CCDC166: variants seen among roughly 807,000 people sequenced by gnomAD.
CCDC166 encodes the protein coiled-coil domain-containing protein 166.
Under a neutral mutation model 14.4 loss-of-function variants are expected in CCDC166, and 17 were observed. The ratio of observed to expected loss-of-function variants is 1.18; its 90% CI spans 0.81 to 1.77. The LOEUF is 1.77. Ranked by LOEUF, CCDC166 falls within the 40% of genes most tolerant of loss-of-function variation. The pLI, the probability that CCDC166 is intolerant of heterozygous loss-of-function variation, is 0.00. For missense variants in CCDC166, 738 were observed against 665.8 expected (o/e 1.11, Z -1.19); for synonymous variants, 336 against 330.1 (o/e 1.02, Z -0.20).
chr8:143,706,970 C>A lies in CCDC166; in HGVS notation c.1044G>T (p.Ser348=), dbSNP rs781990610. 1 of 1,543,260 alleles carries A rather than the reference C, an allele frequency of 6.5e-7. No homozygotes were observed. Among genetic ancestry groups the A allele is most frequent in the Non-Finnish European group, 8.7e-7 (1 of 1,146,868 alleles). The change falls in exon 2 of 2, where the codon TCG becomes TCT. Residue 348 remains serine, a synonymous_variant. Transcript: ENST00000542437. ...GGGATCCCACCTTTGAAGTGGCCAG[C>A]GATGGGACCCTGGAGTCCATGCTCG... The part of the protein sequence containing the change: ...VLSSMDSRVP[S]LATSKVGSRM...
chr8:143,706,936 A>T lies in CCDC166; in HGVS notation c.1078T>A (p.Ser360Thr). The T allele has an allele frequency of 1.3e-6, 2 of 1,548,308 alleles. No individual in the cohort carries two copies. Among genetic ancestry groups the T allele is most frequent in the Middle Eastern group, 1.7e-4 (1 of 5,990 alleles). The change falls in exon 2 of 2, where the codon TCC becomes ACC. Residue 360 changes from serine to threonine, a missense_variant. By Grantham distance (58) the Ser-to-Thr change is moderately conservative. Transcript: ENST00000542437. ...GAGCCTGCGCGCGAAGCGGTCAGGG[A>T]TGGCATCCGGGATCCCACCTTTGAA... ...ATSKVGSRMP[S>T]LTASRAGSRA...
rs1554616758 is a variant in CCDC166 at position 143,707,241 on chromosome 8, T to C, written c.773A>G (p.Glu258Gly). 7.0e-7 allele frequency: 1 copy of C among 1,438,388 alleles called. No homozygotes were observed. Among genetic ancestry groups the C allele is most frequent in the Non-Finnish European group, 9.1e-7 (1 of 1,100,224 alleles). 89.1% of individuals were successfully genotyped at this position (1,438,388 alleles called of 1,614,324 possible). The change falls in exon 2 of 2, where the codon GAG (glutamate) becomes GGG (glycine). Residue 258 changes from glutamate (E) to glycine (G), a missense_variant. Physicochemically the swap from Glu to Gly is moderately conservative, Grantham distance 98. Coordinates refer to ENST00000542437, the MANE Select transcript of CCDC166 (RefSeq NM_001162914.1). The surrounding 1 kb of genome is among the most constrained non-coding windows in gnomAD (Gnocchi z 8.0). ...CGCCAGGTCCCGCGTGTCCTCGTGC[T>C]CGCGGTGCAGTTGCTCGCGCTGTTC... ...LLEQREQLHR[E>G]HEDTRDLARV... is the part of the protein sequence containing the mutation.
At position 143,707,998 on chromosome 8, in the gene CCDC166, G is replaced by C; in HGVS notation, c.112C>G (p.His38Asp). 2.6e-6 allele frequency: 4 copies of C among 1,527,880 alleles called. No homozygotes were observed. Among genetic ancestry groups the C allele is most frequent in the Non-Finnish European group, 3.5e-6 (4 of 1,140,520 alleles). 94.6% of individuals were successfully genotyped at this position (1,527,880 alleles called of 1,614,324 possible). ...SERAQYLQREHALLSEQLDTC... is the reference protein window; with the variant it reads ...SERAQYLQREDALLSEQLDTC... ...TCCAGCTGCTCCGAGAGCAGCGCGTGTTCGCGTTGCAGGTACTGCGCGCGC... is the reference window on the plus strand; with the variant it reads ...TCCAGCTGCTCCGAGAGCAGCGCGTCTTCGCGTTGCAGGTACTGCGCGCGC... Residue 38 changes from histidine to aspartate, a missense_variant, in exon 1 of 2, where the codon CAC becomes GAC. Transcript: ENST00000542437. The surrounding 1 kb of genome is among the most constrained non-coding windows in gnomAD (Gnocchi z 8.0).
chr8:143,707,479 C>T lies in CCDC166; in HGVS notation c.535G>A (p.Val179Met), dbSNP rs1196229439. 6.8e-7 allele frequency: 1 copy of T among 1,471,492 alleles called. No individual in the cohort carries two copies. Among genetic ancestry groups the T allele is most frequent in the East Asian group, 2.9e-5 (1 of 33,912 alleles). 91.2% of individuals were successfully genotyped at this position (1,471,492 alleles called of 1,614,324 possible). ...TTGTCCTCCAGGAAGCGCCGCTTCA[C>T]GCGGTGGAGCAGCTGCGTGTGCTCC... ...RVEHTQLLHRVKRRFLEDKAA... is the reference protein window; with the variant it reads ...RVEHTQLLHRMKRRFLEDKAA... The change falls in exon 2 of 2, where the codon GTG (valine) becomes ATG (methionine). Residue 179 changes from valine to methionine, a missense_variant. Val to Met is a conservative substitution (Grantham distance 21). Coordinates refer to ENST00000542437, the MANE Select transcript of CCDC166 (RefSeq NM_001162914.1). This position sits in a 1 kb window ranked among gnomAD's most constrained non-coding sequence, Gnocchi z 8.0.
rs782611835 is a variant in CCDC166 at position 143,706,804 on chromosome 8, T to G, written c.1210A>C (p.Lys404Gln). 6.4e-7 allele frequency: 1 copy of G among 1,551,014 alleles called. No homozygotes were observed. Among genetic ancestry groups the G allele is most frequent in the Non-Finnish European group, 8.7e-7 (1 of 1,146,948 alleles). The change falls in exon 2 of 2, where the codon AAG becomes CAG. Residue 404 changes from lysine to glutamine, a missense_variant. Lys to Gln is a moderately conservative substitution (Grantham distance 53). Coordinates refer to ENST00000542437, the MANE Select transcript of CCDC166 (RefSeq NM_001162914.1). ...TCCCGGGACAGGCCAGAGAGAAGCT[T>G]GGGGCCAGACTTCGTGGAGCGGAGA... ...DTLRSTKSGP[K>Q]LLSGLSRDRD...
In CCDC166 at chr8:143,707,440, G is replaced by C; in HGVS notation, c.574C>G (p.Arg192Gly). ...RFLEDKAAFEREARQRVQSLA... is the reference protein window; with the variant it reads ...RFLEDKAAFEGEARQRVQSLA... The stretch of plus-strand genomic sequence containing the variant: ...GACTGCACGCGCTGACGCGCCTCGC[G>C]CTCGAAGGCCGCCTTGTCCTCCAGG... Residue 192 changes from arginine to glycine, a missense_variant, in exon 2 of 2, where the codon CGC (arginine) becomes GGC (glycine). Transcript: ENST00000542437. This position sits in a 1 kb window ranked among gnomAD's most constrained non-coding sequence, Gnocchi z 8.0. 1 of 1,475,836 alleles carries C rather than the reference G, an allele frequency of 6.8e-7. No homozygotes were observed. The highest frequency in any genetic ancestry group is 8.9e-7 in the Non-Finnish European group (1 of 1,121,114). 91.4% of individuals were successfully genotyped at this position (1,475,836 alleles called of 1,614,324 possible). A position where few individuals can be genotyped will look rare whatever the true frequency, so the allele number is the denominator to read the frequency against.
In CCDC166 at chr8:143,706,877, G is replaced by C; in HGVS notation, c.1137C>G (p.Gly379=). 1.3e-6 allele frequency: 2 copies of C among 1,550,686 alleles called. No individual in the cohort carries two copies. Among genetic ancestry groups the C allele is most frequent in the Non-Finnish European group, 1.7e-6 (2 of 1,146,834 alleles). The part of the protein sequence containing the change: ...RALSLVQSLE[G]SGISSGSSPR... Reference sequence around the variant, plus strand: ...GTGAGGACCCCGAAGAGATCCCAGAGCCCTCGAGTGACTGCACCAGCGACA... The same window carrying C: ...GTGAGGACCCCGAAGAGATCCCAGACCCCTCGAGTGACTGCACCAGCGACA... The change falls in exon 2 of 2, where the codon GGC becomes GGG. Residue 379 remains glycine, a synonymous_variant. Transcript: ENST00000542437.
At position 143,707,065 on chromosome 8, in the gene CCDC166, G is replaced by T. The variant is rs1434047665; in HGVS notation, c.949C>A (p.Arg317Ser). 1.4e-5 allele frequency: 22 copies of T among 1,533,144 alleles called. No homozygotes were observed. The highest frequency in any genetic ancestry group is 5.9e-5 in the Admixed American group (3 of 50,574). 95.0% of individuals were successfully genotyped at this position (1,533,144 alleles called of 1,614,324 possible). Residue 317 changes from arginine (R) to serine (S), a missense_variant, in exon 2 of 2, where the codon CGC (arginine) becomes AGC (serine). By Grantham distance (110) the Arg-to-Ser change is moderately radical. Transcript: ENST00000542437. This position sits in a 1 kb window ranked among gnomAD's most constrained non-coding sequence, Gnocchi z 8.0. ...ASQTPSVVPS[R>S]AAPRASSVVP... ...ACGGACGAGGCCCGGGGGGCCGCGC[G>T]CGACGGTACCACAGACGGGGTCTGG...
chr8:143,707,066 C>G lies in CCDC166; in HGVS notation c.948G>C (p.Ser316=). Residue 316 remains serine, a synonymous_variant, in exon 2 of 2, where the codon TCG becomes TCC. Transcript: ENST00000542437. The surrounding 1 kb of genome is among the most constrained non-coding windows in gnomAD (Gnocchi z 8.0). ...CGGACGAGGCCCGGGGGGCCGCGCG[C>G]GACGGTACCACAGACGGGGTCTGGG... The part of the protein sequence containing the change: ...AASQTPSVVP[S]RAAPRASSVV... 1 of 1,533,306 alleles carries G rather than the reference C, an allele frequency of 6.5e-7. No individual in the cohort carries two copies. The highest frequency in any genetic ancestry group is 8.7e-7 in the Non-Finnish European group (1 of 1,145,896). The allele number at this position is 1,533,306 out of a possible 1,614,324, so 95.0% of individuals were successfully genotyped here. A position where few individuals can be genotyped will look rare whatever the true frequency, so the allele number is the denominator to read the frequency against.
Position 143,707,846 on chromosome 8 carries a change from G to A in CCDC166, c.264C>T (p.Ala88=). 1 of 1,538,450 alleles carries A rather than the reference G, an allele frequency of 6.5e-7. No individual in the cohort carries two copies. The highest frequency in any genetic ancestry group is 1.4e-5 in the African/African-American group (1 of 73,088). Residue 88 remains alanine, a synonymous_variant, in exon 1 of 2, where the codon GCC becomes GCT. Transcript: ENST00000542437. The surrounding 1 kb of genome is among the most constrained non-coding windows in gnomAD (Gnocchi z 8.0). ...GCTCGTCCAGCCGGACGATGGCTTT[G>A]GCGCAGCGCTGGGCGCGCGCGCTCA... is the stretch of plus-strand genomic sequence containing the variant. ...SYVSARAQRC[A]KAIVRLDEQN...
Position 143,707,423 on chromosome 8 carries a change from G to A in CCDC166, c.591C>T (p.Arg197=), listed in dbSNP as rs1587421022. ...CCGCGCGCCGCGCCAGTGACTGCAC[G>A]CGCTGACGCGCCTCGCGCTCGAAGG... ...KAAFEREARQ[R]VQSLARRAER... Residue 197 remains arginine (R), a synonymous_variant, in exon 2 of 2, where the codon CGC becomes CGT. Transcript: ENST00000542437. This position sits in a 1 kb window ranked among gnomAD's most constrained non-coding sequence, Gnocchi z 8.0. 1 of 1,470,796 alleles carries A rather than the reference G, an allele frequency of 6.8e-7. No individual in the cohort carries two copies. Among genetic ancestry groups the A allele is most frequent in the Non-Finnish European group, 8.9e-7 (1 of 1,119,428 alleles). 91.1% of individuals were successfully genotyped at this position (1,470,796 alleles called of 1,614,324 possible). A position where few individuals can be genotyped will look rare whatever the true frequency, so the allele number is the denominator to read the frequency against.
In CCDC166 at chr8:143,707,331, C is replaced by T. The variant is rs1287774939; in HGVS notation, c.683G>A (p.Arg228Gln). Residue 228 changes from arginine (R) to glutamine (Q), a missense_variant, in exon 2 of 2, where the codon CGG becomes CAG. Transcript: ENST00000542437. This position sits in a 1 kb window ranked among gnomAD's most constrained non-coding sequence, Gnocchi z 8.0. ...GCGGAGCAGCAGCAGCAGCTCCTGCCGCAGGCGTCCGTTGTCCGCTTTGAT... is the reference window on the plus strand; with the variant it reads ...GCGGAGCAGCAGCAGCAGCTCCTGCTGCAGGCGTCCGTTGTCCGCTTTGAT... Reference protein sequence around the residue: ...QAIKADNGRLRQELLLLLRRT... With the variant: ...QAIKADNGRLQQELLLLLRRT... 1.6e-5 allele frequency: 22 copies of T among 1,409,400 alleles called. No homozygotes were observed. The highest frequency in any genetic ancestry group is 1.2e-4 in the African/African-American group (8 of 65,932). The allele number at this position is 1,409,400 out of a possible 1,614,324, so 87.3% of individuals were successfully genotyped here.
At position 143,707,119 on chromosome 8, in the gene CCDC166, C is replaced by G. The variant is rs1261504592; in HGVS notation, c.895G>C (p.Ala299Pro). ...QPTSRPGSLA[A>P]PISPSRAASQ... ...GCCGCGCGCGACGGGCTTATGGGGG[C>G]GGCTAATGACCCGGGGCGCGAGGTG... The change falls in exon 2 of 2, where the codon GCC becomes CCC. Residue 299 changes from alanine (A) to proline (P), a missense_variant. Coordinates refer to ENST00000542437, the MANE Select transcript of CCDC166 (RefSeq NM_001162914.1). The surrounding 1 kb of genome is among the most constrained non-coding windows in gnomAD (Gnocchi z 8.0). 2.7e-6 allele frequency: 4 copies of G among 1,486,510 alleles called. No individual in the cohort carries two copies. The highest frequency in any genetic ancestry group is 3.6e-6 in the Non-Finnish European group (4 of 1,125,686). The allele number at this position is 1,486,510 out of a possible 1,614,324, so 92.1% of individuals were successfully genotyped here. A position where few individuals can be genotyped will look rare whatever the true frequency, so the allele number is the denominator to read the frequency against.
chr8:143,707,449 C>T lies in CCDC166; in HGVS notation c.565G>A (p.Ala189Thr). 1.4e-6 allele frequency: 2 copies of T among 1,476,268 alleles called. No individual in the cohort carries two copies. Among genetic ancestry groups the T allele is most frequent in the East Asian group, 2.9e-5 (1 of 33,972 alleles). The allele number at this position is 1,476,268 out of a possible 1,614,324, so 91.4% of individuals were successfully genotyped here. The change falls in exon 2 of 2, where the codon GCC becomes ACC. Residue 189 changes from alanine to threonine, a missense_variant. By Grantham distance (58) the Ala-to-Thr change is moderately conservative. Coordinates refer to ENST00000542437, the MANE Select transcript of CCDC166 (RefSeq NM_001162914.1). The surrounding 1 kb of genome is among the most constrained non-coding windows in gnomAD (Gnocchi z 8.0). ...VKRRFLEDKAAFEREARQRVQ... is the reference protein window; with the variant it reads ...VKRRFLEDKATFEREARQRVQ... ...CGCTGACGCGCCTCGCGCTCGAAGG[C>T]CGCCTTGTCCTCCAGGAAGCGCCGC...
In CCDC166 at chr8:143,707,444, G is replaced by C; in HGVS notation, c.570C>G (p.Phe190Leu). ...GCACGCGCTGACGCGCCTCGCGCTCGAAGGCCGCCTTGTCCTCCAGGAAGC... is the reference window on the plus strand; with the variant it reads ...GCACGCGCTGACGCGCCTCGCGCTCCAAGGCCGCCTTGTCCTCCAGGAAGC... ...KRRFLEDKAAFEREARQRVQS... is the reference protein window; with the variant it reads ...KRRFLEDKAALEREARQRVQS... The change falls in exon 2 of 2, where the codon TTC becomes TTG. Residue 190 changes from phenylalanine (F) to leucine (L), a missense_variant. Coordinates refer to ENST00000542437, the MANE Select transcript of CCDC166 (RefSeq NM_001162914.1). This position sits in a 1 kb window ranked among gnomAD's most constrained non-coding sequence, Gnocchi z 8.0. 6.8e-7 allele frequency: 1 copy of C among 1,476,184 alleles called. No individual in the cohort carries two copies. The highest frequency in any genetic ancestry group is 8.9e-7 in the Non-Finnish European group (1 of 1,121,202). The allele number at this position is 1,476,184 out of a possible 1,614,324, so 91.4% of individuals were successfully genotyped here.
rs1817555433 is a variant in CCDC166, at chr8:143,707,308, G to A, written c.706C>T (p.Arg236Cys). 2.8e-6 allele frequency: 4 copies of A among 1,426,890 alleles called. No individual in the cohort carries two copies. The highest frequency in any genetic ancestry group is 1.5e-5 in the African/African-American group (1 of 66,384). 88.4% of individuals were successfully genotyped at this position (1,426,890 alleles called of 1,614,324 possible). A position where few individuals can be genotyped will look rare whatever the true frequency, so the allele number is the denominator to read the frequency against. Residue 236 changes from arginine (R) to cysteine (C), a missense_variant, in exon 2 of 2, where the codon CGC becomes TGC. By Grantham distance (180) the Arg-to-Cys change is radical. Transcript: ENST00000542437. This position sits in a 1 kb window ranked among gnomAD's most constrained non-coding sequence, Gnocchi z 8.0. ...GTGTGGTGCAGCAGCTGGGTCCGGC[G>A]GAGCAGCAGCAGCAGCTCCTGCCGC... ...RLRQELLLLL[R>C]RTQLLHHTRR...
Position 143,707,143 on chromosome 8 carries a change from T to A in CCDC166, c.871A>T (p.Thr291Ser). 7.0e-7 allele frequency: 1 copy of A among 1,434,574 alleles called. No homozygotes were observed. The highest frequency in any genetic ancestry group is 9.1e-7 in the Non-Finnish European group (1 of 1,104,108). The allele number at this position is 1,434,574 out of a possible 1,614,324, so 88.9% of individuals were successfully genotyped here. A position where few individuals can be genotyped will look rare whatever the true frequency, so the allele number is the denominator to read the frequency against. ...LWERPAFSQP[T>S]SRPGSLAAPI... ...GCGGCTAATGACCCGGGGCGCGAGG[T>A]GGGCTGGGAGAAGGCCGGCCGCTCC... The change falls in exon 2 of 2, where the codon ACC (threonine) becomes TCC (serine). Residue 291 changes from threonine (T) to serine (S), a missense_variant. Thr to Ser is a moderately conservative substitution (Grantham distance 58). Transcript: ENST00000542437. This position sits in a 1 kb window ranked among gnomAD's most constrained non-coding sequence, Gnocchi z 8.0.
chr8:143,707,994 G>A lies in CCDC166; in HGVS notation c.116C>T (p.Ala39Val). 6.5e-7 allele frequency: 1 copy of A among 1,528,258 alleles called. No homozygotes were observed. The highest frequency in any genetic ancestry group is 1.2e-5 in the South Asian group (1 of 83,862). 94.7% of individuals were successfully genotyped at this position (1,528,258 alleles called of 1,614,324 possible). A position where few individuals can be genotyped will look rare whatever the true frequency, so the allele number is the denominator to read the frequency against. Reference protein sequence around the residue: ...ERAQYLQREHALLSEQLDTCE... With the variant: ...ERAQYLQREHVLLSEQLDTCE... ...GGTGTCCAGCTGCTCCGAGAGCAGC[G>A]CGTGTTCGCGTTGCAGGTACTGCGC... Residue 39 changes from alanine to valine, a missense_variant, in exon 1 of 2, where the codon GCG becomes GTG. Coordinates refer to ENST00000542437, the MANE Select transcript of CCDC166 (RefSeq NM_001162914.1). The surrounding 1 kb of genome is among the most constrained non-coding windows in gnomAD (Gnocchi z 8.0).
At position 143,707,495 on chromosome 8, in the gene CCDC166, C is replaced by A; in HGVS notation, c.519G>T (p.Thr173=). The A allele has an allele frequency of 6.9e-7, 1 of 1,454,928 alleles. No homozygotes were observed. The highest frequency in any genetic ancestry group is 1.3e-5 in the South Asian group (1 of 74,792). 90.1% of individuals were successfully genotyped at this position (1,454,928 alleles called of 1,614,324 possible). A position where few individuals can be genotyped will look rare whatever the true frequency, so the allele number is the denominator to read the frequency against. Residue 173 remains threonine, a synonymous_variant, in exon 2 of 2, where the codon ACG becomes ACT. Coordinates refer to ENST00000542437, the MANE Select transcript of CCDC166 (RefSeq NM_001162914.1). The surrounding 1 kb of genome is among the most constrained non-coding windows in gnomAD (Gnocchi z 8.0). ...RELLHMRVEH[T]QLLHRVKRRF... ...GCCGCTTCACGCGGTGGAGCAGCTG[C>A]GTGTGCTCCACGCGCATATGCAGCA...
Sources: gnomAD v4.1 joint callset for allele counts on GRCh38, gnomAD v4.1.1 for gene constraint, Gnocchi (gnomAD v3.1) non-coding constraint, MANE v1.5 for transcripts, NCBI Gene and HGNC (gene_info 2026-07-23, HGNC 2026-07-21) for gene names.